The following DMXL1 variants were observed in gnomAD, a reference collection of about 807,000 sequenced individuals.
DMXL1 encodes dmX-like protein 1.
DMXL1 carries 99 observed loss-of-function variants against 319.2 expected under a neutral mutation model. The ratio of observed to expected loss-of-function variants is 0.31; its 90% CI spans 0.26 to 0.37. The LOEUF is 0.37. Among genes scored for constraint, DMXL1 ranks in the 10% least tolerant of loss-of-function variants. The probability of loss-of-function intolerance (pLI) is 1.00; values close to 1 mark genes in which losing one functional copy is unlikely to be tolerated. For synonymous variants in DMXL1, 1,385 were observed against 1,235.2 expected (o/e 1.12, Z -2.54); for missense variants, 3,745 against 3,595.6 (o/e 1.04, Z -1.06).
At chr5:119,122,113 C>G (rs1196995309) in intron 9 of DMXL1, among the ~76,000 whole-genome samples, 6 of 136,082 alleles carry the variant, frequency 4.4e-5, no homozygotes, top group African/African-American at 1.4e-4. Context: ...CCCTCCCGGA[C>G]GGGGCGGCTG....
intron 34 of DMXL1, among the ~76,000 whole-genome samples, chr5:119,208,320 T>A (rs1448885273): frequency 2.0e-5 from 3 of 151,976 alleles, no homozygotes; most frequent in South Asian, 2.1e-4. Context: ...TTCAAGCGAT[T>A]CTCCTGCCTC....
intron 34 of DMXL1, among the ~76,000 whole-genome samples, chr5:119,208,330 C>T (rs1007653744): frequency 1.6e-4 from 25 of 151,856 alleles, no homozygotes; most frequent in African/African-American, 6.0e-4. Flanking sequence ...TCTCCTGCCT[C>T]AGCCTCCCGA....
chr5:119,096,236 G>A (rs193256828), intron 1 of DMXL1, among the ~76,000 whole-genome samples: 49 of 151,364 alleles, frequency 3.2e-4, no homozygotes, highest in African/African-American at 1.1e-3. Context: ...GAGTGCAGTG[G>A]CGCGATCTCA....
At chr5:119,105,870 C>G (rs1317151710) in intron 4 of DMXL1, among the ~76,000 whole-genome samples, 1 of 147,690 alleles carries the variant, frequency 6.8e-6, no homozygotes, top group Non-Finnish European at 1.5e-5. Context: ...GCACTTCAGC[C>G]TGGGCAACAA....
In DMXL1 at chr5:119,232,186, G is replaced by C. The variant is rs557559322; in HGVS notation, c.8339-1154G>C. On this transcript the variant is annotated intron_variant, in intron 38 of 43. Transcript: ENST00000539542. ...TTATAAATAATAATAGAAAAGTTGA[G>C]CGATTTTAGTGCAACCACCCCAATT... 7.9e-5 allele frequency among the ~76,000 whole-genome samples: 12 copies of C among 152,158 alleles called. No homozygotes were observed. The East Asian group carries it at 2.3e-3, about 29-fold the overall frequency.
At chr5:119,105,959 A>C (rs182979033) in intron 4 of DMXL1, among the ~76,000 whole-genome samples, 1 of 151,978 alleles carries the variant, frequency 6.6e-6, no homozygotes, top group Admixed American at 6.6e-5. Context: ...TTTCTGCATT[A>C]GAAAAGCATC....
At chr5:119,147,099 G>T in intron 16 of DMXL1, 143 bp downstream of exon 16, 2 of 1,173,340 alleles carry the variant, frequency 1.7e-6, no homozygotes, top group South Asian at 2.9e-5. Flanking sequence ...AATTCAAAAA[G>T]CTTTTCTTAT....
intron 42 of DMXL1, among the ~76,000 whole-genome samples, chr5:119,241,146 AAAAG>A (rs140835399): frequency 2.6e-5 from 4 of 152,340 alleles, no homozygotes; most frequent in Non-Finnish European, 5.9e-5. Flanking sequence ...GAAGCTAGAA[AAAAG>A]AAAATGTTAT....
intron 23 of DMXL1, among the ~76,000 whole-genome samples, chr5:119,169,717 G>A (rs562487756): frequency 2.6e-5 from 4 of 152,314 alleles, no homozygotes; most frequent in Admixed American, 2.6e-4. Context: ...TAGAGATGAT[G>A]TCCAAGTTAT....
Position 119,166,656 on chromosome 5 carries a change from A to G in DMXL1, c.5011A>G (p.Asn1671Asp). The change falls in exon 22 of 44, where the codon AAT becomes GAT. Residue 1671 changes from asparagine to aspartate, a missense_variant. By Grantham distance (23) the Asn-to-Asp change is conservative (BLOSUM62 1). This residue lies in a region of DMXL1 where 2,096 missense variants were observed against 1,985.4 expected (regional missense o/e 1.06). Transcript: ENST00000539542. ...NTRMTQFFGHNFEDERWRKAA... is the reference protein window; with the variant it reads ...NTRMTQFFGHDFEDERWRKAA... The stretch of plus-strand genomic sequence containing the variant: ...CAGGATGACACAGTTTTTTGGACAC[A>G]ATTTTGAGGATGAGAGGTGGCGTAA... 17 of 1,610,592 alleles carry G rather than the reference A, an allele frequency of 1.1e-5. No homozygotes were observed. Among genetic ancestry groups the G allele is most frequent in the Non-Finnish European group, 1.4e-5 (17 of 1,178,804 alleles).
chr5:119,136,229 G>A (rs977517535), intron 13 of DMXL1, among the ~76,000 whole-genome samples: 2 of 152,202 alleles, frequency 1.3e-5, no homozygotes. Context: ...AGATGATTTA[G>A]GTTATCTGGC....
chr5:119,135,636 A>G (rs563480399), intron 13 of DMXL1, among the ~76,000 whole-genome samples: 4 of 152,206 alleles, frequency 2.6e-5, no homozygotes, highest in East Asian at 3.9e-4. Context: ...CAGTTCTCCC[A>G]TCCTGTTCTC....
chr5:119,212,779 TG>T (rs1279570500), intron 34 of DMXL1, among the ~76,000 whole-genome samples: 1 of 152,170 alleles, frequency 6.6e-6, no homozygotes, highest in Non-Finnish European at 1.5e-5. Context: ...AATGTTATGT[TG>T]TGAGGCCTTT....
intron 37 of DMXL1, among the ~76,000 whole-genome samples, chr5:119,222,956 G>A (rs1358321179): frequency 6.6e-6 from 1 of 151,086 alleles, no homozygotes; most frequent in African/African-American, 2.4e-5. Context: ...CCTAATTAAG[G>A]CATTTGCCCC....
At chr5:119,119,609 C>G (rs945935009) in intron 8 of DMXL1, among the ~76,000 whole-genome samples, 6 of 150,622 alleles carry the variant, frequency 4.0e-5, no homozygotes, top group Non-Finnish European at 8.8e-5. Context: ...GATCTTGGCT[C>G]ACTGTATTCC....
intron 5 of DMXL1, among the ~76,000 whole-genome samples, chr5:119,112,054 G>T (rs953732848): frequency 6.6e-6 from 1 of 151,972 alleles, no homozygotes; most frequent in African/African-American, 2.4e-5. Context: ...TCCGCCTCCC[G>T]GGTTCATACC....
intron 7 of DMXL1, among the ~76,000 whole-genome samples, chr5:119,116,590 G>A (rs1760895840): frequency 6.6e-6 from 1 of 152,140 alleles, no homozygotes; most frequent in East Asian, 1.9e-4. Context: ...AAGTCACAGA[G>A]TTGTACATAT....
chr5:119,125,558 AATTATT>A (rs892046930), intron 9 of DMXL1, among the ~76,000 whole-genome samples: 13 of 151,964 alleles, frequency 8.6e-5, no homozygotes, highest in Admixed American at 5.9e-4. Context: ...ATATATATGT[AATTATT>A]ATTATTGTTA....
At chr5:119,095,348 CTG>C (rs1755700842) in intron 1 of DMXL1, among the ~76,000 whole-genome samples, 1 of 152,150 alleles carries the variant, frequency 6.6e-6, no homozygotes, top group Non-Finnish European at 1.5e-5. Flanking sequence ...GTATTTTCCT[CTG>C]TATAGTACTA....
Sources: gnomAD v4.1 joint callset for allele counts (sites outside exome capture counted in the v4.1 genomes callset) on GRCh38, gnomAD v4.1.1 for gene constraint, gnomAD v4.1.1 regional missense constraint, MANE v1.5 for transcripts, NCBI Gene and HGNC (gene_info 2026-07-23, HGNC 2026-07-21) for gene names.